The following PRDM6 variants were observed in gnomAD, a reference collection of about 807,000 sequenced individuals.
PRDM6 encodes putative histone-lysine N-methyltransferase PRDM6.
A neutral mutation model predicts 60.8 loss-of-function variants in PRDM6; 25 were observed. The ratio of observed to expected loss-of-function variants is 0.41; its 90% CI spans 0.30 to 0.57. The LOEUF is 0.57. PRDM6 is among the 20% of genes least tolerant of loss of function. PRDM6 has a pLI of 0.27. For missense variants in PRDM6, 839 were observed against 821.3 expected (o/e 1.02, Z -0.26); for synonymous variants, 407 against 357.4 (o/e 1.14, Z -1.57).
intron 5 of PRDM6, 80 bp from the exon 6 acceptor site, chr5:123,170,686 G>T: frequency 9.9e-7 from 1 of 1,010,982 alleles, no homozygotes; most frequent in South Asian, 1.7e-5. Context: ...TGATTTATTT[G>T]ATTTTTTAAA....
intron 2 of PRDM6, among the ~76,000 whole-genome samples, chr5:123,092,514 G>T (rs1456313034): frequency 6.6e-6 from 1 of 152,168 alleles, no homozygotes; most frequent in Non-Finnish European, 1.5e-5. Flanking sequence ...AATTAGGATA[G>T]ATTCCTAATT....
rs1335479159 is a variant in PRDM6, at chr5:123,170,962, C to T, written c.1350C>T (p.Asn450=). The T allele has an allele frequency of 6.4e-7, 1 of 1,551,848 alleles. No individual in the cohort carries two copies. The highest frequency in any genetic ancestry group is 1.2e-5 in the South Asian group (1 of 84,062). The change falls in exon 6 of 8, where the codon AAC becomes AAT. Residue 450 remains asparagine (N), a synonymous_variant. Transcript: ENST00000407847. The part of the protein sequence containing the change: ...ESGFNQINVK[N]QRVLASPTST... ...GATTTAATCAAATCAACGTGAAAAA[C>T]CAGCGAGTCCTGGCAAGCCCAACTT...
Position 123,090,151 on chromosome 5 carries a change from C to A in PRDM6, c.137C>A (p.Ala46Glu), listed in dbSNP as rs767124466. Reference protein sequence around the residue: ...KGSGAAGLLSAPQPLQPPPPP... With the variant: ...KGSGAAGLLSEPQPLQPPPPP... Reference sequence around the variant, plus strand: ...AGCGGCGCCGCGGGTCTCCTGAGCGCGCCGCAGCCTCTTCAGCCGCCGCCG... The same window carrying A: ...AGCGGCGCCGCGGGTCTCCTGAGCGAGCCGCAGCCTCTTCAGCCGCCGCCG... Residue 46 changes from alanine (A) to glutamate (E), a missense_variant, in exon 2 of 8, where the codon GCG (alanine) becomes GAG (glutamate). By Grantham distance (107) the Ala-to-Glu change is moderately radical. This residue lies in a region of PRDM6 where 730 missense variants were observed against 648.8 expected (regional missense o/e 1.13). Coordinates refer to ENST00000407847, the MANE Select transcript of PRDM6 (RefSeq NM_001136239.4). The A allele has an allele frequency of 1.0e-5, 16 of 1,524,420 alleles. No homozygotes were observed. In the African/African-American group the frequency reaches 2.3e-4, roughly 22 times the overall value. 94.4% of individuals were successfully genotyped at this position (1,524,420 alleles called of 1,614,324 possible). A position where few individuals can be genotyped will look rare whatever the true frequency, so the allele number is the denominator to read the frequency against.
At chr5:123,180,429 C>T (rs1766123878) in intron 7 of PRDM6, 106 bp downstream of exon 7, 2 of 1,162,038 alleles carry the variant, frequency 1.7e-6, no homozygotes, top group African/African-American at 3.1e-5. Context: ...GCACAGGCTA[C>T]TTGGAAGGCC....
chr5:123,139,353 G>A (rs1765045878), intron 3 of PRDM6, among the ~76,000 whole-genome samples: 1 of 152,134 alleles, frequency 6.6e-6, no homozygotes, highest in Non-Finnish European at 1.5e-5. Context: ...GAGCTTTAAA[G>A]TATACTATAG....
chr5:123,131,157 ATGG>A (rs75026443), intron 3 of PRDM6, among the ~76,000 whole-genome samples: 47,641 of 151,866 alleles, frequency 0.31, 7,845 homozygotes, highest in Middle Eastern at 0.37. Context: ...AGTGAATAAG[ATGG>A]TGGTTACTAG....
At chr5:123,174,123 C>T (rs1394871860) in intron 6 of PRDM6, among the ~76,000 whole-genome samples, 2 of 152,198 alleles carry the variant, frequency 1.3e-5, no homozygotes, top group Admixed American at 6.5e-5. Context: ...TTGCATTATA[C>T]TCACTGGATT....
At chr5:123,184,484 C>G (rs1766237513) in intron 7 of PRDM6, among the ~76,000 whole-genome samples, 1 of 152,176 alleles carries the variant, frequency 6.6e-6, no homozygotes, top group Non-Finnish European at 1.5e-5. Flanking sequence ...AACGAAGCCC[C>G]TGAGTGCAAG....
At chr5:123,167,875 A>G (rs1047025745) in intron 5 of PRDM6, among the ~76,000 whole-genome samples, 1 of 152,176 alleles carries the variant, frequency 6.6e-6, no homozygotes, top group African/African-American at 2.4e-5. Context: ...CTCACCATGC[A>G]TTACTTCCTG....
chr5:123,128,635 A>C (rs1764748304), intron 3 of PRDM6, among the ~76,000 whole-genome samples: 1 of 152,036 alleles, frequency 6.6e-6, no homozygotes, highest in Admixed American at 6.6e-5. Flanking sequence ...TTTCTTGTAA[A>C]TTTGTTTGAG....
chr5:123,150,957 A>T (rs908396194), intron 3 of PRDM6, among the ~76,000 whole-genome samples: 1 of 152,210 alleles, frequency 6.6e-6, no homozygotes. Flanking sequence ...CTAGTTGTTA[A>T]TACTTAGAAT....
At chr5:123,120,829 A>G (rs1764563321) in intron 3 of PRDM6, among the ~76,000 whole-genome samples, 1 of 152,174 alleles carries the variant, frequency 6.6e-6, no homozygotes, top group South Asian at 2.1e-4. Context: ...GATTTTCATT[A>G]TTTTAGTGAG....
Position 123,170,810 on chromosome 5 carries a change from G to T in PRDM6, c.1198G>T (p.Ala400Ser). The change falls in exon 6 of 8, where the codon GCC becomes TCC. Residue 400 changes from alanine to serine, a missense_variant. Around this residue, in one of 2 missense-constraint regions of PRDM6, gnomAD observed 730 missense variants for 648.8 expected, o/e 1.13. Transcript: ENST00000407847. The stretch of plus-strand genomic sequence containing the variant: ...AATGGAAGCCATGTGCAGACAAGAC[G>T]CCCTGCAGCCCTTCAACAAAAGCAG... ...TVMEAMCRQD[A>S]LQPFNKSSKL... 2 of 1,551,932 alleles carry T rather than the reference G, an allele frequency of 1.3e-6. No individual in the cohort carries two copies. The highest frequency in any genetic ancestry group is 2.4e-5 in the East Asian group (1 of 40,920).
intron 3 of PRDM6, among the ~76,000 whole-genome samples, chr5:123,113,550 G>A (rs901840568): frequency 6.6e-6 from 1 of 152,230 alleles, no homozygotes; most frequent in African/African-American, 2.4e-5. Context: ...AGGCAGGTAA[G>A]TAACTTGCCC....
intron 3 of PRDM6, among the ~76,000 whole-genome samples, chr5:123,143,229 A>C (rs2126862771): frequency 6.6e-6 from 1 of 151,420 alleles, no homozygotes; most frequent in East Asian, 1.9e-4. Flanking sequence ...AAAAACTATG[A>C]ACCTTCTTCC....
At chr5:123,111,567 G>T (rs756611277) in intron 3 of PRDM6, among the ~76,000 whole-genome samples, 6 of 152,096 alleles carry the variant, frequency 3.9e-5, no homozygotes, top group Admixed American at 6.5e-5. Context: ...GTGTGGTGAC[G>T]GGCGCCTGTA....
In PRDM6 at chr5:123,190,437, CT is replaced by C. The variant is rs530857860; in HGVS notation, c.*3242del. ...GTTTTGTTTTTATCTTTAAAAATGA[CT>C]TTTTTGGAGGAGATATACTTCTAAA... On this transcript the variant is annotated 3_prime_UTR_variant, in exon 8 of 8. Coordinates refer to ENST00000407847, the MANE Select transcript of PRDM6 (RefSeq NM_001136239.4). 7.9e-5 allele frequency: 12 copies of C among 152,202 alleles called. No individual in the cohort carries two copies. Among genetic ancestry groups the C allele is most frequent in the Admixed American group, 6.5e-4 (10 of 15,298 alleles). The allele number at this position is 152,202 out of a possible 1,614,324, so 9.4% of individuals were successfully genotyped here. A position where few individuals can be genotyped will look rare whatever the true frequency, so the allele number is the denominator to read the frequency against.
In PRDM6 at chr5:123,186,481, G is replaced by A. The variant is rs542336910; in HGVS notation, c.1674-606G>A. Among the ~76,000 whole-genome samples the A allele has an allele frequency of 7.9e-5, 12 of 152,270 alleles. No individual in the cohort carries two copies. In the South Asian group the frequency reaches 2.3e-3, roughly 29 times the overall value. ...CCCATAGGTACATCCTTTCCACTGT[G>A]CCACTGCAAATTCTAGTTTTATAAA... On this transcript the variant is annotated intron_variant, in intron 7 of 7. Transcript: ENST00000407847.
At chr5:123,134,606 TAAAAG>T (rs1373516452) in intron 3 of PRDM6, among the ~76,000 whole-genome samples, 1 of 152,250 alleles carries the variant, frequency 6.6e-6, no homozygotes, top group South Asian at 2.1e-4. Context: ...AATTTAATCT[TAAAAG>T]GAACTGAGCT....
Sources: allele counts gnomAD v4.1 joint callset (sites outside exome capture counted in the v4.1 genomes callset), GRCh38; gene constraint gnomAD v4.1.1; regional missense constraint gnomAD v4.1.1; transcripts MANE v1.5; gene names NCBI Gene and HGNC (gene_info 2026-07-23, HGNC 2026-07-21).